Variants in RFX6 observed in about 807,000 individuals in gnomAD.
The protein encoded by RFX6 is regulatory factor X6.
In RFX6, 50 loss-of-function variants were observed where a neutral mutation model predicts 110.8. That is an observed-to-expected ratio of 0.45 (90% CI 0.36 to 0.57). RFX6 has a LOEUF of 0.57. Ranked by LOEUF, RFX6 falls within the 20% of genes least tolerant of loss-of-function variation. RFX6 has a pLI of 0.00. For missense variants in RFX6, 990 were observed against 1,127.0 expected, an observed-to-expected ratio of 0.88 and a Z score of 1.74; for synonymous variants, 383 against 411.2, an observed-to-expected ratio of 0.93 and a Z score of 0.83.
intron 18 of RFX6, 51 bp downstream of exon 18, chr6:116,929,022 A>T (rs770170764): frequency 7.2e-5 from 83 of 1,155,792 alleles, no homozygotes; most frequent in Admixed American, 1.3e-4. Context: ...TGTTAACCTC[A>T]GGTATGCAAC....
chr6:116,898,958 TATTG>T (rs1462606486), intron 6 of RFX6, among the ~76,000 whole-genome samples: 1 of 152,180 alleles, frequency 6.6e-6, no homozygotes, highest in Non-Finnish European at 1.5e-5. Context: ...TTTAGAATGG[TATTG>T]ATTAAGCACC....
chr6:116,911,517 C>G (rs1417804899), intron 7 of RFX6, among the ~76,000 whole-genome samples: 3 of 152,050 alleles, frequency 2.0e-5, no homozygotes, highest in Non-Finnish European at 2.9e-5. Context: ...ATTCTGTGTT[C>G]TCTTATATTT....
At chr6:116,905,081 T>C (rs1247481995) in intron 6 of RFX6, among the ~76,000 whole-genome samples, 1 of 152,174 alleles carries the variant, frequency 6.6e-6, no homozygotes, top group African/African-American at 2.4e-5. Context: ...TTTTTAATTT[T>C]TGGGGGAACT....
chr6:116,903,414 T>C lies in RFX6; in HGVS notation c.673-7521T>C, dbSNP rs554242877. ...GTTTCTTTAGCATGCTAACATTTTT[T>C]ATTGGGAAATGTGTTATTCACAGCA... On this transcript the variant is annotated intron_variant, in intron 6 of 18. Transcript: ENST00000332958. Among the ~76,000 whole-genome samples, 3 of 152,110 alleles carry C rather than the reference T, an allele frequency of 2.0e-5. No individual in the cohort carries two copies. The South Asian group carries it at 6.2e-4, about 32-fold the overall frequency.
intron 2 of RFX6, among the ~76,000 whole-genome samples, chr6:116,879,198 C>A (rs1774533408): frequency 6.6e-6 from 1 of 151,622 alleles, no homozygotes; most frequent in Admixed American, 6.6e-5. Flanking sequence ...AAGTTAAGAT[C>A]AAAGAAAAAA....
Position 116,915,877 on chromosome 6 carries a change from T to C in RFX6, c.781-131T>C, listed in dbSNP as rs1369841862. 14 of 734,506 alleles carry C rather than the reference T, an allele frequency of 1.9e-5. No individual in the cohort carries two copies. In the East Asian group the frequency reaches 3.6e-4, roughly 19 times the overall value. The allele number at this position is 734,506 out of a possible 1,614,324, so 45.5% of individuals were successfully genotyped here. On this transcript the variant is annotated intron_variant, in intron 7 of 18. Coordinates refer to ENST00000332958, the MANE Select transcript of RFX6 (RefSeq NM_173560.4). ...TGAAATAAGAATTTTGCCTTAATTTTTGAGTCCTCAACATTGAGCATACTG... is the reference window on the plus strand; with the variant it reads ...TGAAATAAGAATTTTGCCTTAATTTCTGAGTCCTCAACATTGAGCATACTG...
rs1302921182 is a variant in RFX6 at position 116,931,326 on chromosome 6, T to C, written c.2612-5T>C. ...TTCAATTGCTGATTATATTTTCCCT[T>C]ACAGCTTCCAGTTTGCAAACCCCAA... On this transcript the variant is annotated splice_polypyrimidine_tract_variant and splice_region_variant and intron_variant, in intron 18 of 18. Transcript: ENST00000332958. The C allele has an allele frequency of 6.2e-7, 1 of 1,605,666 alleles. No homozygotes were observed. The highest frequency in any genetic ancestry group is 1.7e-4 in the Middle Eastern group (1 of 6,042).
intron 4 of RFX6, among the ~76,000 whole-genome samples, chr6:116,886,289 A>T (rs1373453355): frequency 7.2e-5 from 11 of 152,206 alleles, no homozygotes; most frequent in Non-Finnish European, 4.4e-5. Context: ...CAGTTTGGCC[A>T]AATTATTATA....
At chr6:116,889,335 C>T (rs565494667) in intron 4 of RFX6, among the ~76,000 whole-genome samples, 7 of 151,976 alleles carry the variant, frequency 4.6e-5, no homozygotes, top group Non-Finnish European at 7.4e-5. Context: ...GATTTTTCTT[C>T]GTACTAATTT....
intron 4 of RFX6, among the ~76,000 whole-genome samples, chr6:116,883,478 G>A (rs140706474): frequency 1.3e-5 from 2 of 152,124 alleles, no homozygotes; most frequent in East Asian, 1.9e-4. Context: ...TGGAAGCCAC[G>A]TTTAAAAAGT....
At chr6:116,917,992 A>T (rs1000971758) in intron 9 of RFX6, 45 bp from the exon 10 acceptor site, 9 of 1,363,258 alleles carry the variant, frequency 6.6e-6, no homozygotes, top group Non-Finnish European at 9.4e-6. Flanking sequence ...TTTCTATAGA[A>T]ATACTAAGTA....
At position 116,894,019 on chromosome 6, in the gene RFX6, G is replaced by A; in HGVS notation, c.599G>A (p.Ser200Asn). Residue 200 changes from serine (S) to asparagine (N), a missense_variant, in exon 5 of 19, where the codon AGC (serine) becomes AAC (asparagine). Physicochemically the swap from Ser to Asn is conservative, Grantham distance 46. Around this residue, in one of 5 missense-constraint regions of RFX6, gnomAD observed 243 missense variants for 353.1 expected, o/e 0.69. Transcript: ENST00000332958. ...YHYYGIGIKESSAYYHSVYSG... is the reference protein window; with the variant it reads ...YHYYGIGIKENSAYYHSVYSG... The stretch of plus-strand genomic sequence containing the variant: ...TACTATGGGATTGGCATCAAAGAGA[G>A]CAGTGCATATTACCACTCCGTTTAT... 1 of 1,604,404 alleles carries A rather than the reference G, an allele frequency of 6.2e-7. No individual in the cohort carries two copies. The highest frequency in any genetic ancestry group is 1.1e-5 in the South Asian group (1 of 90,896).
At chr6:116,911,071 T>C in intron 7 of RFX6, 29 bp downstream of exon 7, 1 of 1,430,288 alleles carries the variant, frequency 7.0e-7, no homozygotes, top group Non-Finnish European at 9.9e-7. Flanking sequence ...TCTCTATTGA[T>C]TTTCTGATAT....
chr6:116,877,631 C>T lies in RFX6; in HGVS notation c.223+133C>T, dbSNP rs967688153. The T allele has an allele frequency of 4.5e-5, 48 of 1,061,014 alleles. No individual in the cohort carries two copies. In the South Asian group the frequency reaches 7.3e-4, roughly 16 times the overall value. The allele number at this position is 1,061,014 out of a possible 1,614,324, so 65.7% of individuals were successfully genotyped here. ...TGTTCTGTCCAAATCTTTGTATTTC[C>T]TCAGTAAAATGTCAAGTAGAGACCT... On this transcript the variant is annotated intron_variant, in intron 1 of 18. Coordinates refer to ENST00000332958, the MANE Select transcript of RFX6 (RefSeq NM_173560.4).
chr6:116,877,546 T>A (rs1247575610), intron 1 of RFX6, 48 bp downstream of exon 1: 31 of 1,383,446 alleles, frequency 2.2e-5, no homozygotes, highest in Non-Finnish European at 3.1e-5. Context: ...GGGGACGTAT[T>A]CTAAGAAGGG....
chr6:116,913,675 GTT>G (rs1775404908), intron 7 of RFX6, among the ~76,000 whole-genome samples: 1 of 152,144 alleles, frequency 6.6e-6, no homozygotes, highest in Non-Finnish European at 1.5e-5. Context: ...CTAATTGTGA[GTT>G]TTAAAAATTT....
At chr6:116,905,368 T>C (rs543784397) in intron 6 of RFX6, among the ~76,000 whole-genome samples, 1 of 152,248 alleles carries the variant, frequency 6.6e-6, no homozygotes, top group Admixed American at 6.5e-5. Context: ...TCAAGTCCTT[T>C]GCCCATTATG....
chr6:116,882,319 T>C, intron 3 of RFX6, 48 bp from the exon 4 acceptor site: 1 of 1,407,722 alleles, frequency 7.1e-7, no homozygotes. Context: ...TGGCTTGCAT[T>C]AGGACCATAT....
At chr6:116,910,816 T>G in intron 6 of RFX6, 119 bp from the exon 7 acceptor site, 1 of 778,062 alleles carries the variant, frequency 1.3e-6, no homozygotes, top group Non-Finnish European at 2.3e-6. Flanking sequence ...TCTCGTAAAT[T>G]CTCATGGTTT....
Sources: gnomAD v4.1 joint callset for allele counts (sites outside exome capture counted in the v4.1 genomes callset) on GRCh38, gnomAD v4.1.1 for gene constraint, gnomAD v4.1.1 regional missense constraint, MANE v1.5 for transcripts, NCBI Gene and HGNC (gene_info 2026-07-23, HGNC 2026-07-21) for gene names.